SNX14: variants seen among roughly 807,000 people sequenced by gnomAD.
SNX14 encodes sorting nexin 14.
Under a neutral mutation model 133.8 loss-of-function variants are expected in SNX14, and 93 were observed. The observed-to-expected ratio is 0.70, with a 90% CI of 0.59 to 0.83. The LOEUF is 0.83. Among genes scored for constraint, SNX14 ranks in the 40% least tolerant of loss-of-function variants. The pLI, the probability that SNX14 is intolerant of heterozygous loss-of-function variation, is 0.00. For missense variants in SNX14, 945 were observed against 1,094.9 expected (o/e 0.86, Z 1.93); for synonymous variants, 368 against 365.6 (o/e 1.01, Z -0.07).
chr6:85,576,189 G>A (rs1797283755), intron 1 of SNX14, among the ~76,000 whole-genome samples: 1 of 151,708 alleles, frequency 6.6e-6, no homozygotes, highest in Admixed American at 6.6e-5. Context: ...GAGAAACCAG[G>A]GACTGCCCGT....
intron 1 of SNX14, among the ~76,000 whole-genome samples, chr6:85,576,243 A>G (rs527612067): frequency 7.9e-5 from 12 of 152,316 alleles, no homozygotes; most frequent in African/African-American, 2.9e-4. Flanking sequence ...AATAATTTGT[A>G]GACTCAGTAG....
At chr6:85,536,055 G>A (rs145804304) in intron 17 of SNX14, among the ~76,000 whole-genome samples, 20 of 152,186 alleles carry the variant, frequency 1.3e-4, no homozygotes, top group African/African-American at 3.6e-4. Flanking sequence ...ATCATAACAC[G>A]TAACTTGAAA....
At position 85,513,874 on chromosome 6, in the gene SNX14, G is replaced by A; in HGVS notation, c.2579C>T (p.Thr860Ile). Residue 860 changes from threonine (T) to isoleucine (I), a missense_variant, in exon 26 of 29, where the codon ACT becomes ATT. Thr to Ile is a moderately conservative substitution (Grantham distance 89). Coordinates refer to ENST00000314673, the MANE Select transcript of SNX14 (RefSeq NM_153816.6). The stretch of plus-strand genomic sequence containing the variant: ...CTTATCTTGGAGAGAGCGAGGTTCA[G>A]TGTTTTCACAGAATATAGCATCTAA... ...LLRDAIFCEN[T>I]EPRSLQDKQK... 1 of 1,612,334 alleles carries A rather than the reference G, an allele frequency of 6.2e-7. No homozygotes were observed. Among genetic ancestry groups the A allele is most frequent in the Non-Finnish European group, 8.5e-7 (1 of 1,179,582 alleles).
chr6:85,534,132 A>G (rs1483991215), intron 17 of SNX14, among the ~76,000 whole-genome samples: 1 of 152,180 alleles, frequency 6.6e-6, no homozygotes, highest in Non-Finnish European at 1.5e-5. Flanking sequence ...ACACAGAGCA[A>G]GTAGGCACTG....
chr6:85,563,123 G>A (rs1792324573), intron 6 of SNX14, among the ~76,000 whole-genome samples: 1 of 151,732 alleles, frequency 6.6e-6, no homozygotes, highest in Non-Finnish European at 1.5e-5. Context: ...TTTTTTTTGT[G>A]AACTACTGTA....
rs186104750 is a variant in SNX14 at position 85,558,325 on chromosome 6, G to T, written c.550-265C>A. On this transcript the variant is annotated intron_variant, in intron 6 of 28. Transcript: ENST00000314673. ...GTATCTTTACTCCTAGCTTCTTTAC[G>T]TGTTCTTTGTATTAAATGCGTTCAA... is the stretch of plus-strand genomic sequence containing the variant. Among the ~76,000 whole-genome samples, 34 of 151,962 alleles carry T rather than the reference G, an allele frequency of 2.2e-4. No individual in the cohort carries two copies. In the East Asian group the frequency reaches 3.9e-3, roughly 17 times the overall value.
chr6:85,587,490 A>T (rs997208809), intron 1 of SNX14, among the ~76,000 whole-genome samples: 1 of 152,168 alleles, frequency 6.6e-6, no homozygotes, highest in Non-Finnish European at 1.5e-5. Flanking sequence ...TTTGAGACAG[A>T]GTCTCGCTCT....
intron 26 of SNX14, among the ~76,000 whole-genome samples, chr6:85,510,626 A>G (rs1772458337): frequency 6.6e-6 from 1 of 152,200 alleles, no homozygotes; most frequent in Non-Finnish European, 1.5e-5. Flanking sequence ...TTAATGAAGT[A>G]AAGATTATCA....
intron 21 of SNX14, among the ~76,000 whole-genome samples, chr6:85,520,089 G>A (rs931611148): frequency 2.6e-5 from 4 of 151,798 alleles, no homozygotes; most frequent in Non-Finnish European, 4.4e-5. Context: ...TCACTCTGTC[G>A]CCCAGGCTGG....
chr6:85,582,829 A>T (rs1405992423), intron 1 of SNX14, among the ~76,000 whole-genome samples: 2 of 152,192 alleles, frequency 1.3e-5, no homozygotes, highest in Admixed American at 1.3e-4. Context: ...TCACAGCCAA[A>T]TTCTACCAAA....
At chr6:85,531,008 C>T (rs553918986) in intron 18 of SNX14, among the ~76,000 whole-genome samples, 5 of 152,186 alleles carry the variant, frequency 3.3e-5, no homozygotes, top group African/African-American at 9.6e-5. Context: ...TCTGCAGTTA[C>T]GAAGATGCTC....
At chr6:85,584,088 A>G (rs962733404) in intron 1 of SNX14, among the ~76,000 whole-genome samples, 4 of 152,180 alleles carry the variant, frequency 2.6e-5, no homozygotes, top group African/African-American at 4.8e-5. Context: ...CCTCAGAAAT[A>G]ACACCACACA....
chr6:85,558,364 A>T (rs913713442), intron 6 of SNX14, among the ~76,000 whole-genome samples: 2 of 152,258 alleles, frequency 1.3e-5, no homozygotes, highest in Admixed American at 1.3e-4. Context: ...AAACTCCAGT[A>T]ACTTATTATC....
At chr6:85,549,923 TAAATAATTTCGGTCATTTCCACTAA>T (rs770510904) in intron 7 of SNX14, 44 bp from the exon 8 acceptor site, 2 of 1,535,866 alleles carry the variant, frequency 1.3e-6, no homozygotes, top group Non-Finnish European at 1.8e-6. Flanking sequence ...TAAGTGACAT[TAAATAATTTCGGTCATTTCCACTAA>T]CAAATAGAAG....
intron 17 of SNX14, among the ~76,000 whole-genome samples, chr6:85,536,073 T>C (rs985631138): frequency 1.3e-5 from 2 of 152,144 alleles, no homozygotes; most frequent in African/African-American, 4.8e-5. Flanking sequence ...AAATACATTA[T>C]GGTATAAGCT....
At chr6:85,560,502 T>C (rs1206749415) in intron 6 of SNX14, among the ~76,000 whole-genome samples, 1 of 152,160 alleles carries the variant, frequency 6.6e-6, no homozygotes, top group Non-Finnish European at 1.5e-5. Flanking sequence ...GAGGTGATGT[T>C]TATGGCTAGA....
intron 26 of SNX14, among the ~76,000 whole-genome samples, chr6:85,512,852 C>G (rs896234151): frequency 2.0e-5 from 3 of 152,140 alleles, no homozygotes; most frequent in Non-Finnish European, 4.4e-5. Flanking sequence ...TGACCTCACT[C>G]TCTGGTGAAT....
chr6:85,514,375 G>A (rs561178376), intron 24 of SNX14, 131 bp downstream of exon 24: 545 of 1,408,592 alleles, frequency 3.9e-4, no homozygotes, highest in Non-Finnish European at 4.7e-4. Context: ...AAGGCCAATC[G>A]TATTGAATTA....
chr6:85,537,232 G>GC (rs1562264696), intron 16 of SNX14, among the ~76,000 whole-genome samples: 1 of 151,994 alleles, frequency 6.6e-6, no homozygotes, highest in Non-Finnish European at 1.5e-5. Context: ...AAAGATGAGA[G>GC]CCCCCTAGTG....
Sources: allele counts gnomAD v4.1 joint callset (sites outside exome capture counted in the v4.1 genomes callset), GRCh38; gene constraint gnomAD v4.1.1; transcripts MANE v1.5; gene names NCBI Gene and HGNC (gene_info 2026-07-23, HGNC 2026-07-21).